Variants in PDLIM5 observed in about 807,000 individuals in gnomAD.
PDLIM5 encodes PDZ and LIM domain protein 5.
A neutral mutation model predicts 64.2 loss-of-function variants in PDLIM5; 34 were observed. The observed-to-expected ratio is 0.53, with a 90% CI of 0.40 to 0.71. The LOEUF (loss-of-function observed/expected upper bound fraction) is 0.71, where lower values mean the gene tolerates loss of function less well. Among genes scored for constraint, PDLIM5 ranks in the 30% least tolerant of loss-of-function variants. The probability of loss-of-function intolerance (pLI) is 0.00; values close to 1 mark genes in which losing one functional copy is unlikely to be tolerated. For synonymous variants in PDLIM5, 253 were observed against 269.1 expected, an observed-to-expected ratio of 0.94 and a Z score of 0.59; for missense variants, 683 against 733.6, an observed-to-expected ratio of 0.93 and a Z score of 0.80.
intron 7 of PDLIM5, among the ~76,000 whole-genome samples, chr4:94,597,978 A>C (rs1224372173): frequency 6.6e-6 from 1 of 152,170 alleles, no homozygotes; most frequent in African/African-American, 2.4e-5. Context: ...GAGAGATGTT[A>C]ATTTTAACAA....
intron 2 of PDLIM5, among the ~76,000 whole-genome samples, chr4:94,490,106 A>G (rs777314514): frequency 3.7e-4 from 56 of 151,910 alleles, no homozygotes; most frequent in Non-Finnish European, 7.4e-4. Flanking sequence ...GTGGCTATAA[A>G]TAAAAAATCA....
chr4:94,500,698 C>T lies in PDLIM5; in HGVS notation c.97-23026C>T, dbSNP rs185866202. Among the ~76,000 whole-genome samples, 43 of 152,156 alleles carry T rather than the reference C, an allele frequency of 2.8e-4. 1 individual carries two copies. In the South Asian group the frequency reaches 4.3e-3, roughly 15 times the overall value. ...GACTTTTTAAAAAGTTGCTGATAAT[C>T]GTGTCTGCTCCTTCCTGGTAATATT... On this transcript the variant is annotated intron_variant, in intron 2 of 12. Transcript: ENST00000317968.
chr4:94,623,467 C>T (rs1038293723), intron 8 of PDLIM5, among the ~76,000 whole-genome samples: 5 of 152,156 alleles, frequency 3.3e-5, no homozygotes, highest in African/African-American at 9.7e-5. Flanking sequence ...CTTGAGCCCT[C>T]TTGTTACCTG....
intron 2 of PDLIM5, among the ~76,000 whole-genome samples, chr4:94,476,260 CTTTGTT>C (rs1218925688): frequency 6.6e-6 from 1 of 152,038 alleles, no homozygotes; most frequent in African/African-American, 2.4e-5. Context: ...AAGAATGTGA[CTTTGTT>C]TTTAGTTAAC....
intron 3 of PDLIM5, among the ~76,000 whole-genome samples, chr4:94,564,670 T>G (rs904928439): frequency 1.0e-4 from 15 of 146,122 alleles, no homozygotes; most frequent in African/African-American, 3.9e-4. Context: ...TTTTTTTTTT[T>G]TTTTTGACAG....
chr4:94,517,294 CAT>C (rs1729445521), intron 2 of PDLIM5, among the ~76,000 whole-genome samples: 1 of 152,136 alleles, frequency 6.6e-6, no homozygotes, highest in African/African-American at 2.4e-5. Flanking sequence ...CAAAAAGTCA[CAT>C]AGTCACGTTT....
chr4:94,622,990 A>G (rs2110410483), intron 8 of PDLIM5, among the ~76,000 whole-genome samples: 1 of 152,294 alleles, frequency 6.6e-6, no homozygotes, highest in African/African-American at 2.4e-5. Flanking sequence ...AACTATTAAA[A>G]TAAAGACCTT....
intron 5 of PDLIM5, chr4:94,582,588 G>T: frequency 1.6e-6 from 1 of 606,976 alleles, no homozygotes; most frequent in South Asian, 2.2e-5. Context: ...TCATTGTTTT[G>T]AATTTTATTT....
chr4:94,507,169 G>A (rs1327167343), intron 2 of PDLIM5, among the ~76,000 whole-genome samples: 1 of 151,790 alleles, frequency 6.6e-6, no homozygotes, highest in African/African-American at 2.4e-5. Flanking sequence ...GGCCTATCGT[G>A]GGACTTCATC....
chr4:94,664,226 T>G lies in PDLIM5; in HGVS notation c.*159T>G. ...TTTAAAAACCAAGTCTGAGGAAATA[T>G]TTGGCTTCATAAAGTAAAGAGACGG... On this transcript the variant is annotated 3_prime_UTR_variant, in exon 13 of 13. Transcript: ENST00000317968. 4 of 1,187,588 alleles carry G rather than the reference T, an allele frequency of 3.4e-6. No homozygotes were observed. The highest frequency in any genetic ancestry group is 4.2e-6 in the Non-Finnish European group (4 of 947,412). 73.6% of individuals were successfully genotyped at this position (1,187,588 alleles called of 1,614,324 possible). A position where few individuals can be genotyped will look rare whatever the true frequency, so the allele number is the denominator to read the frequency against.
chr4:94,467,139 A>C (rs1724435873), intron 2 of PDLIM5, among the ~76,000 whole-genome samples: 1 of 152,210 alleles, frequency 6.6e-6, no homozygotes, highest in South Asian at 2.1e-4. Context: ...CTTATCACTC[A>C]AGAAAACCCC....
chr4:94,610,198 G>C, intron 7 of PDLIM5: 3 of 1,525,734 alleles, frequency 2.0e-6, no homozygotes, highest in Non-Finnish European at 1.8e-6. Context: ...AGATTCTTTC[G>C]AAGGTTTTCG....
chr4:94,520,890 G>T (rs1729772036), intron 2 of PDLIM5, among the ~76,000 whole-genome samples: 1 of 152,210 alleles, frequency 6.6e-6, no homozygotes, highest in Non-Finnish European at 1.5e-5. Context: ...ATATATGAAA[G>T]ATTGTTCAGA....
At chr4:94,574,314 A>G (rs890298501) in intron 4 of PDLIM5, among the ~76,000 whole-genome samples, 26 of 152,122 alleles carry the variant, frequency 1.7e-4, no homozygotes, top group African/African-American at 6.3e-4. Context: ...CCTGGCCAAC[A>G]TGGTGATACT....
intron 2 of PDLIM5, among the ~76,000 whole-genome samples, chr4:94,507,534 A>G (rs983659350): frequency 2.0e-5 from 3 of 152,184 alleles, no homozygotes; most frequent in African/African-American, 7.2e-5. Context: ...GCACTCATTA[A>G]CCATTTGCTG....
intron 7 of PDLIM5, among the ~76,000 whole-genome samples, chr4:94,590,814 A>C (rs1736619921): frequency 6.6e-6 from 1 of 152,208 alleles, no homozygotes; most frequent in East Asian, 1.9e-4. Flanking sequence ...TTATATTCCC[A>C]TTCCTATCCA....
chr4:94,592,733 C>T (rs1173455885), intron 7 of PDLIM5, among the ~76,000 whole-genome samples: 1 of 152,046 alleles, frequency 6.6e-6, no homozygotes, highest in Non-Finnish European at 1.5e-5. Context: ...CTCAAGTGAT[C>T]CTCCCGCCTC....
At chr4:94,590,192 T>A (rs371512917) in intron 7 of PDLIM5, among the ~76,000 whole-genome samples, 1 of 152,352 alleles carries the variant, frequency 6.6e-6, no homozygotes, top group East Asian at 1.9e-4. Context: ...CATTCTTTCG[T>A]GCATCATTGT....
chr4:94,458,180 T>G (rs1723549558), intron 2 of PDLIM5, among the ~76,000 whole-genome samples: 1 of 152,216 alleles, frequency 6.6e-6, no homozygotes, highest in East Asian at 1.9e-4. Flanking sequence ...CTTACTCTCA[T>G]CTTAATTAGT....
Sources: gnomAD v4.1 joint callset for allele counts (sites outside exome capture counted in the v4.1 genomes callset) on GRCh38, gnomAD v4.1.1 for gene constraint, MANE v1.5 for transcripts, NCBI Gene and HGNC (gene_info 2026-07-23, HGNC 2026-07-21) for gene names.